The following SEMA4D variants were observed in gnomAD, a reference collection of about 807,000 sequenced individuals.
The protein encoded by SEMA4D is semaphorin-4D.
In SEMA4D, 22 loss-of-function variants were observed where a neutral mutation model predicts 74.8. The ratio of observed to expected loss-of-function variants is 0.29; its 90% CI spans 0.21 to 0.42. The LOEUF (loss-of-function observed/expected upper bound fraction) is 0.42, where lower values mean the gene tolerates loss of function less well. SEMA4D is among the 10% of genes least tolerant of loss of function. SEMA4D has a pLI of 1.00. For missense variants in SEMA4D, 937 were observed against 1,118.4 expected (o/e 0.84, Z 2.31); for synonymous variants, 445 against 463.7 (o/e 0.96, Z 0.52).
intron 16 of SEMA4D, chr9:89,365,549 C>T (rs1215190461): frequency 6.6e-6 from 1 of 152,242 alleles, no homozygotes; most frequent in Non-Finnish European, 1.5e-5. Context: ...GTTAGATTTG[C>T]CCTAGATGTC....
intron 5 of SEMA4D, among the ~76,000 whole-genome samples, chr9:89,397,445 C>A (rs1023455214): frequency 6.6e-6 from 1 of 152,150 alleles, no homozygotes; most frequent in African/African-American, 2.4e-5. Flanking sequence ...AGTCCAGCCC[C>A]CATGGGAGTG....
chr9:89,379,131 T>C lies in SEMA4D; in HGVS notation c.2162A>G (p.His721Arg). 6.2e-7 allele frequency: 1 copy of C among 1,613,864 alleles called. No individual in the cohort carries two copies. The highest frequency in any genetic ancestry group is 1.3e-5 in the African/African-American group (1 of 74,934). Reference protein sequence around the residue: ...KIVINTVPQLHSEKTMYLKSS... With the variant: ...KIVINTVPQLRSEKTMYLKSS... ...CTTAAGATACATGGTTTTCTCCGAG[T>C]GGAGCTGGGGGACCGTGTTGATGAC... is the stretch of plus-strand genomic sequence containing the variant. The change falls in exon 16 of 16, where the codon CAC (histidine) becomes CGC (arginine). Residue 721 changes from histidine (H) to arginine (R), a missense_variant. Coordinates refer to ENST00000422704, the MANE Select transcript of SEMA4D (RefSeq NM_001371194.2).
At chr9:89,384,275 G>A (rs111766484) in intron 13 of SEMA4D, among the ~76,000 whole-genome samples, 2,715 of 152,312 alleles carry the variant, frequency 0.018, 76 homozygotes, top group African/African-American at 0.062. Flanking sequence ...CAAAATGCGG[G>A]ACTCACAAAA....
At chr9:89,377,220 A>C (rs1207350184), downstream of SEMA4D, 17 of 959,236 alleles carry the variant, frequency 1.8e-5, no homozygotes, top group Non-Finnish European at 2.5e-5. Flanking sequence ...TCCGCTAAGG[A>C]ATGTCTTCCC....
At chr9:89,470,957 A>C (rs1257563337) in intron 1 of SEMA4D, among the ~76,000 whole-genome samples, 1 of 152,260 alleles carries the variant, frequency 6.6e-6, no homozygotes, top group African/African-American at 2.4e-5. Context: ...CTGTATTCTA[A>C]CTGTGGTCGT....
At chr9:89,440,224 G>A (rs1851394416) in intron 2 of SEMA4D, among the ~76,000 whole-genome samples, 1 of 152,096 alleles carries the variant, frequency 6.6e-6, no homozygotes, top group Admixed American at 6.5e-5. Context: ...AGACCCAGTT[G>A]AGGCTCCCTC....
intron 2 of SEMA4D, among the ~76,000 whole-genome samples, chr9:89,446,565 T>C (rs1403109388): frequency 6.6e-6 from 1 of 152,172 alleles, no homozygotes; most frequent in Non-Finnish European, 1.5e-5. Flanking sequence ...ACGGGGCCTC[T>C]CTCGGGCCAC....
At chr9:89,384,722 C>T (rs1838023779) in intron 13 of SEMA4D, 2 of 985,324 alleles carry the variant, frequency 2.0e-6, no homozygotes, top group South Asian at 4.7e-5. Context: ...AGGCACAGCG[C>T]ACCTCCCCAG....
At position 89,410,837 on chromosome 9, in the gene SEMA4D, C is replaced by T. The variant is rs190668822; in HGVS notation, c.-243-5138G>A. ...GCCACAAAGAAATTACCTCTGAGTGCCCCACTGGAGGCAGCAAAGCAACGC... is the reference window on the plus strand; with the variant it reads ...GCCACAAAGAAATTACCTCTGAGTGTCCCACTGGAGGCAGCAAAGCAACGC... On this transcript the variant is annotated intron_variant, in intron 2 of 15. Coordinates refer to ENST00000422704, the MANE Select transcript of SEMA4D (RefSeq NM_001371194.2). 1.1e-3 allele frequency among the ~76,000 whole-genome samples: 168 copies of T among 152,294 alleles called. 1 individual carries two copies. Among genetic ancestry groups the T allele is most frequent in the African/African-American group, 3.7e-3 (152 of 41,562 alleles).
intron 1 of SEMA4D, among the ~76,000 whole-genome samples, chr9:89,476,629 G>C (rs1315423050): frequency 6.6e-6 from 1 of 152,184 alleles, no homozygotes; most frequent in Non-Finnish European, 1.5e-5. Context: ...GTATATTTTA[G>C]ACTCGTGGCA....
intron 2 of SEMA4D, among the ~76,000 whole-genome samples, chr9:89,432,869 GGTATGTAC>G (rs1849577924): frequency 6.6e-6 from 1 of 152,096 alleles, no homozygotes; most frequent in African/African-American, 2.4e-5. Context: ...TTCCACTCTG[GGTATGTAC>G]ACAAAGAAGT....
chr9:89,435,227 T>C (rs1166550903), intron 2 of SEMA4D, among the ~76,000 whole-genome samples: 1 of 152,190 alleles, frequency 6.6e-6, no homozygotes, highest in African/African-American at 2.4e-5. Context: ...AGAATGCTGG[T>C]TGAGTAAACA....
At chr9:89,412,197 C>A (rs542332851) in intron 2 of SEMA4D, among the ~76,000 whole-genome samples, 12 of 152,332 alleles carry the variant, frequency 7.9e-5, no homozygotes, top group Middle Eastern at 6.8e-3. Flanking sequence ...AGTGAGAAGA[C>A]TAGGGCCAGA....
At chr9:89,496,901 G>A (rs1826062121) in intron 1 of SEMA4D, among the ~76,000 whole-genome samples, 1 of 152,258 alleles carries the variant, frequency 6.6e-6, no homozygotes, top group Non-Finnish European at 1.5e-5. Flanking sequence ...AGCAGGGTGA[G>A]ATGCTTGGCC....
intron 1 of SEMA4D, among the ~76,000 whole-genome samples, chr9:89,471,262 A>G (rs879296011): frequency 3.9e-5 from 6 of 152,168 alleles, no homozygotes; most frequent in Admixed American, 6.5e-5. Context: ...GGATGATGAA[A>G]AACCTCAGGA....
At chr9:89,443,947 C>T (rs557156222) in intron 2 of SEMA4D, among the ~76,000 whole-genome samples, 52 of 152,292 alleles carry the variant, frequency 3.4e-4, no homozygotes, top group Non-Finnish European at 5.7e-4. Context: ...GGCACAGGCA[C>T]CTAAGCTGCA....
At chr9:89,386,326 G>A (rs760387715) in intron 13 of SEMA4D, 41 bp downstream of exon 13, 33 of 1,464,796 alleles carry the variant, frequency 2.3e-5, no homozygotes, top group Admixed American at 7.1e-5. Context: ...CAAAGCCACC[G>A]AGCGGAGAAG....
chr9:89,411,482 C>T (rs1844518346), intron 2 of SEMA4D, among the ~76,000 whole-genome samples: 2 of 152,172 alleles, frequency 1.3e-5, no homozygotes. Flanking sequence ...GTAGGCATAT[C>T]TAATTTGAAG....
intron 5 of SEMA4D, among the ~76,000 whole-genome samples, chr9:89,397,397 AG>A (rs1841213673): frequency 6.6e-6 from 1 of 152,168 alleles, no homozygotes; most frequent in Non-Finnish European, 1.5e-5. Flanking sequence ...GCACAGAACT[AG>A]GAACAGCGAC....
Sources: allele counts gnomAD v4.1 joint callset (sites outside exome capture counted in the v4.1 genomes callset), GRCh38; gene constraint gnomAD v4.1.1; transcripts MANE v1.5; gene names NCBI Gene and HGNC (gene_info 2026-07-23, HGNC 2026-07-21).